Variants in SF3B1 observed in about 807,000 individuals in gnomAD.
SF3B1 encodes the protein splicing factor 3b subunit 1.
SF3B1 carries 12 observed loss-of-function variants against 153.8 expected under a neutral mutation model. That is an observed-to-expected ratio of 0.08 (90% CI 0.05 to 0.13). SF3B1 has a LOEUF of 0.13. SF3B1 is among the 10% of genes least tolerant of loss of function. SF3B1 has a pLI of 1.00. For synonymous variants in SF3B1, 498 were observed against 525.2 expected (o/e 0.95, Z 0.71); for missense variants, 513 against 1,606.1 (o/e 0.32, Z 11.63).
intron 7 of SF3B1, 130 bp downstream of exon 7, chr2:197,409,640 A>G: frequency 1.3e-6 from 1 of 769,488 alleles, no homozygotes; most frequent in South Asian, 1.6e-5. Context: ...GAACTGTTCT[A>G]TTCTTAATCT....
intron 1 of SF3B1, among the ~76,000 whole-genome samples, chr2:197,429,921 G>A (rs1263349557): frequency 6.6e-6 from 1 of 152,112 alleles, no homozygotes; most frequent in Non-Finnish European, 1.5e-5. Context: ...CATCTTGATT[G>A]CAGCAGTAAT....
At chr2:197,425,759 GA>G (rs1428814885) in intron 1 of SF3B1, among the ~76,000 whole-genome samples, 1 of 152,012 alleles carries the variant, frequency 6.6e-6, no homozygotes, top group Non-Finnish European at 1.5e-5. Flanking sequence ...AAACACTTTG[GA>G]AGGCTGAGGT....
chr2:197,419,069 T>C, intron 4 of SF3B1: 1 of 747,974 alleles, frequency 1.3e-6, no homozygotes, highest in South Asian at 1.7e-5. Flanking sequence ...GATAAGTTCT[T>C]CATACAGTGT....
At position 197,418,596 on chromosome 2, in the gene SF3B1, A is replaced by G; in HGVS notation, c.416-8T>C. 6.2e-7 allele frequency: 1 copy of G among 1,607,886 alleles called. No homozygotes were observed. On this transcript the variant is annotated splice_region_variant and splice_polypyrimidine_tract_variant and intron_variant, in intron 4 of 24. Coordinates refer to ENST00000335508, the MANE Select transcript of SF3B1 (RefSeq NM_012433.4). ...GATCAGGGGTTTTCCCTCCTGCAGA[A>G]AAGAACAGCAACAGGAAAAAGAGTA...
In SF3B1 at chr2:197,400,193, T is replaced by C. The variant is rs1283498233; in HGVS notation, c.2902-27A>G. The C allele has an allele frequency of 4.4e-6, 7 of 1,607,284 alleles. No individual in the cohort carries two copies. The highest frequency in any genetic ancestry group is 6.0e-6 in the Non-Finnish European group (7 of 1,174,306). ...TATAATAAAACAAATAATGTTAAAA[T>C]GTTACTATTTACATTAAACTATTTG... is the stretch of plus-strand genomic sequence containing the variant. On this transcript the variant is annotated intron_variant, in intron 19 of 24. Coordinates refer to ENST00000335508, the MANE Select transcript of SF3B1 (RefSeq NM_012433.4). The surrounding 1 kb of genome is among the most constrained non-coding windows in gnomAD (Gnocchi z 5.0).
chr2:197,429,478 G>A (rs1385265089), intron 1 of SF3B1, among the ~76,000 whole-genome samples: 1 of 152,092 alleles, frequency 6.6e-6, no homozygotes, highest in Admixed American at 6.6e-5. Context: ...TTTGTGTCAA[G>A]ACAGGTTTTA....
upstream of SF3B1, chr2:197,435,052 G>A (rs898161425): frequency 2.3e-5 from 37 of 1,613,582 alleles, no homozygotes; most frequent in African/African-American, 3.5e-4. Context: ...ACTTCCGCTC[G>A]TCGCCGCCGC....
At chr2:197,422,445 T>C (rs1458559179) in intron 2 of SF3B1, among the ~76,000 whole-genome samples, 4 of 151,896 alleles carry the variant, frequency 2.6e-5, no homozygotes, top group Admixed American at 1.3e-4. Flanking sequence ...TTGGGAGATA[T>C]ACCTAACGTA....
At chr2:197,422,514 C>A (rs943538442) in intron 2 of SF3B1, among the ~76,000 whole-genome samples, 7 of 152,006 alleles carry the variant, frequency 4.6e-5, no homozygotes, top group Admixed American at 4.6e-4. Context: ...ACGTAACCTG[C>A]ACATTGTGCA....
intron 23 of SF3B1, among the ~76,000 whole-genome samples, chr2:197,394,121 T>C (rs139697912): frequency 8.6e-5 from 13 of 151,888 alleles, no homozygotes; most frequent in African/African-American, 2.4e-4. Context: ...GGGGTGGAGG[T>C]TGCAGTGAGT....
chr2:197,422,548 T>C (rs1266618304), intron 2 of SF3B1, among the ~76,000 whole-genome samples: 3 of 151,624 alleles, frequency 2.0e-5, no homozygotes, highest in African/African-American at 7.3e-5. Flanking sequence ...ATTTAAAGTA[T>C]AATAATAATA....
At chr2:197,406,922 T>TACAAAAA (rs1351438565) in intron 9 of SF3B1, among the ~76,000 whole-genome samples, 1 of 151,828 alleles carries the variant, frequency 6.6e-6, no homozygotes, top group African/African-American at 2.4e-5. Flanking sequence ...CTCCCGTATC[T>TACAAAAA]ACAAAAAATA....
At chr2:197,418,658 C>T in intron 4 of SF3B1, 70 bp from the exon 5 acceptor site, 1 of 1,547,820 alleles carries the variant, frequency 6.5e-7, no homozygotes, top group Admixed American at 2.1e-5. Flanking sequence ...ACTGATTTAT[C>T]TGCCCTGCTC....
intron 2 of SF3B1, 152 bp downstream of exon 2, chr2:197,423,656 G>T: frequency 2.9e-6 from 2 of 681,988 alleles, no homozygotes; most frequent in Non-Finnish European, 4.8e-6. Flanking sequence ...TGAAGTTTCT[G>T]AACCTTAGAG....
In SF3B1 at chr2:197,435,027, C is replaced by A. The variant is rs770895612; in HGVS notation, c.-28G>T. ...TGTCCACTCGAACACACAGACGGAA[C>A]TGGCGCTCCCAAGAACTTCCGCTCG... On this transcript the variant is annotated 5_prime_UTR_variant, in exon 1 of 25. Coordinates refer to ENST00000335508, the MANE Select transcript of SF3B1 (RefSeq NM_012433.4). The A allele has an allele frequency of 1.2e-6, 2 of 1,614,144 alleles. No individual in the cohort carries two copies. The highest frequency in any genetic ancestry group is 2.7e-5 in the African/African-American group (2 of 74,964).
At chr2:197,430,093 C>T (rs1205950699) in intron 1 of SF3B1, among the ~76,000 whole-genome samples, 2 of 152,024 alleles carry the variant, frequency 1.3e-5, no homozygotes, top group Non-Finnish European at 2.9e-5. Flanking sequence ...CATTAAATCA[C>T]AATGTACTGT....
chr2:197,424,619 C>T (rs1480652207), intron 1 of SF3B1, among the ~76,000 whole-genome samples: 2 of 152,138 alleles, frequency 1.3e-5, no homozygotes, highest in Non-Finnish European at 1.5e-5. Flanking sequence ...CAATCAAGCA[C>T]CATACACTGC....
chr2:197,429,634 A>T (rs1458604619), intron 1 of SF3B1, among the ~76,000 whole-genome samples: 1 of 152,090 alleles, frequency 6.6e-6, no homozygotes, highest in East Asian at 1.9e-4. Context: ...AAATACAAAA[A>T]TTAGCTGGGT....
intron 9 of SF3B1, among the ~76,000 whole-genome samples, chr2:197,406,235 C>T (rs1456168313): frequency 6.6e-6 from 1 of 151,118 alleles, no homozygotes; most frequent in Non-Finnish European, 1.5e-5. Flanking sequence ...AAGACCCCAT[C>T]TCTATTTTAT....
Sources: allele counts gnomAD v4.1 joint callset (sites outside exome capture counted in the v4.1 genomes callset), GRCh38; gene constraint gnomAD v4.1.1; non-coding constraint Gnocchi (gnomAD v3.1); transcripts MANE v1.5; gene names NCBI Gene and HGNC (gene_info 2026-07-23, HGNC 2026-07-21).